C1orf94: variants seen among roughly 807,000 people sequenced by gnomAD.
The protein encoded by C1orf94 is chromosome 1 open reading frame 94.
In C1orf94, 45 loss-of-function variants were observed where a neutral mutation model predicts 53.6. The ratio of observed to expected loss-of-function variants is 0.84; its 90% CI spans 0.66 to 1.08. C1orf94 has a LOEUF of 1.08. Ranked by LOEUF, C1orf94 falls within the 50% of genes least tolerant of loss-of-function variation. The pLI, the probability that C1orf94 is intolerant of heterozygous loss-of-function variation, is 0.00. For missense variants in C1orf94, 762 were observed against 738.9 expected (o/e 1.03, Z -0.36); for synonymous variants, 304 against 296.1 (o/e 1.03, Z -0.27).
At chr1:34,189,389 G>A (rs1174787982) in intron 1 of C1orf94, among the ~76,000 whole-genome samples, 1 of 151,936 alleles carries the variant, frequency 6.6e-6, no homozygotes, top group Non-Finnish European at 1.5e-5. Context: ...TGTATGTGGG[G>A]AGAAGGTACC....
intron 1 of C1orf94, among the ~76,000 whole-genome samples, chr1:34,195,669 C>T (rs1642567120): frequency 6.6e-6 from 1 of 152,138 alleles, no homozygotes; most frequent in African/African-American, 2.4e-5. Flanking sequence ...TAGGAAGCCT[C>T]TAAGACTGTA....
rs1013506182 is a variant in C1orf94 at position 34,177,201 on chromosome 1, G to T, written c.-589G>T. 1.3e-5 allele frequency among the ~76,000 whole-genome samples: 2 copies of T among 152,340 alleles called. No individual in the cohort carries two copies. The highest frequency in any genetic ancestry group is 4.8e-5 in the African/African-American group (2 of 41,598). ...CAGCAGCGGGAGACCGGGAGCAGGA[G>T]GGGTAGGGCGAGAGAAAAGCAGGAC... On this transcript the variant is annotated 5_prime_UTR_variant, in exon 1 of 7. In the 5' UTR this introduces an upstream ATG that the reference lacks. Transcript: ENST00000488417.
In C1orf94 at chr1:34,197,287, G is replaced by A. The variant is rs776774315; in HGVS notation, c.383G>A (p.Ser128Asn). 1.9e-6 allele frequency: 3 copies of A among 1,552,852 alleles called. No homozygotes were observed. Among genetic ancestry groups the A allele is most frequent in the Non-Finnish European group, 2.6e-6 (3 of 1,147,500 alleles). Reference sequence around the variant, plus strand: ...TTGTTGGTGGAACAGGAGTTCCTAAGCCTCACCAAAGAGCACTCGATCCTG... The same window carrying A: ...TTGTTGGTGGAACAGGAGTTCCTAAACCTCACCAAAGAGCACTCGATCCTG... ...ISLLVEQEFL[S>N]LTKEHSILVE... The change falls in exon 2 of 7, where the codon AGC (serine) becomes AAC (asparagine). Residue 128 changes from serine to asparagine, a missense_variant. Physicochemically the swap from Ser to Asn is conservative, Grantham distance 46. Coordinates refer to ENST00000488417, the MANE Select transcript of C1orf94 (RefSeq NM_001134734.2). This position sits in a 1 kb window ranked among gnomAD's most constrained non-coding sequence, Gnocchi z 4.1.
intron 1 of C1orf94, among the ~76,000 whole-genome samples, chr1:34,187,057 T>A (rs1441520865): frequency 6.6e-6 from 1 of 152,162 alleles, no homozygotes; most frequent in African/African-American, 2.4e-5. Flanking sequence ...TATCAATAGC[T>A]CAAGACATTG....
At chr1:34,196,130 G>A (rs1046253064) in intron 1 of C1orf94, among the ~76,000 whole-genome samples, 2 of 152,156 alleles carry the variant, frequency 1.3e-5, no homozygotes, top group Non-Finnish European at 2.9e-5. Context: ...ATGGTTCTAG[G>A]CTGGTGGCTC....
chr1:34,173,287 T>A (rs1172797065), upstream of C1orf94, among the ~76,000 whole-genome samples: 52 of 152,194 alleles, frequency 3.4e-4, no homozygotes, highest in Non-Finnish European at 7.4e-5. Context: ...ATCCTTTCAA[T>A]TTTCCTCTAT....
chr1:34,168,421 G>C (rs953141301), intron 1 of C1orf94, among the ~76,000 whole-genome samples: 13 of 152,104 alleles, frequency 8.5e-5, no homozygotes, highest in Admixed American at 6.6e-5. Flanking sequence ...GATGGGGCTG[G>C]ATCCAGGTAA....
At chr1:34,200,644 T>G (rs1642688405) in intron 2 of C1orf94, 128 bp from the exon 3 acceptor site, 2 of 1,271,228 alleles carry the variant, frequency 1.6e-6, no homozygotes, top group African/African-American at 1.5e-5. Flanking sequence ...TGAAAGAGAG[T>G]CCCCCAAAGT....
rs149914933 is a variant in C1orf94 at position 34,181,009 on chromosome 1, G to T, written c.320+2900G>T. ...CTTGGTACAGTTTATCAGATGGGGA[G>T]CTTACCACTTCCCTTTGCTGCCCCT... On this transcript the variant is annotated intron_variant, in intron 1 of 6. Transcript: ENST00000488417. 5.9e-5 allele frequency among the ~76,000 whole-genome samples: 9 copies of T among 152,238 alleles called. No individual in the cohort carries two copies. The East Asian group carries it at 1.7e-3, about 29-fold the overall frequency.
chr1:34,200,935 G>C lies in C1orf94; in HGVS notation c.1173G>C (p.Glu391Asp), dbSNP rs1330840681. Residue 391 changes from glutamate (E) to aspartate (D), a missense_variant, in exon 3 of 7, where the codon GAG becomes GAC. Glu to Asp is a conservative substitution (Grantham distance 45). Transcript: ENST00000488417. Reference sequence around the variant, plus strand: ...CCAAGAAACCTACATGTCCAGCCGAGAAGAACTTGCTCTATGAGTTCCTTG... The same window carrying C: ...CCAAGAAACCTACATGTCCAGCCGACAAGAACTTGCTCTATGAGTTCCTTG... ...LPPKKPTCPA[E>D]KNLLYEFLGA... 3.5e-5 allele frequency: 57 copies of C among 1,614,048 alleles called. No individual in the cohort carries two copies. The Admixed American group carries it at 9.5e-4, about 27-fold the overall frequency.
chr1:34,203,115 T>C (rs909937971), intron 4 of C1orf94, among the ~76,000 whole-genome samples: 10 of 152,226 alleles, frequency 6.6e-5, no homozygotes, highest in African/African-American at 2.4e-4. Context: ...TCATTGTATA[T>C]CAGGGACTAG....
chr1:34,196,629 T>C (rs1434301597), intron 1 of C1orf94, among the ~76,000 whole-genome samples: 1 of 152,156 alleles, frequency 6.6e-6, no homozygotes, highest in Non-Finnish European at 1.5e-5. Context: ...ATGATACTCC[T>C]AGTAATGAGA....
At chr1:34,185,712 G>T (rs1252062033) in intron 1 of C1orf94, among the ~76,000 whole-genome samples, 1 of 152,188 alleles carries the variant, frequency 6.6e-6, no homozygotes, top group African/African-American at 2.4e-5. Context: ...TGCATTGGGT[G>T]CCTTTCCCTC....
Position 34,215,319 on chromosome 1 carries a change from G to T in C1orf94, c.1721+2913G>T, listed in dbSNP as rs148933847. Among the ~76,000 whole-genome samples, 749 of 152,332 alleles carry T rather than the reference G, an allele frequency of 4.9e-3. 3 individuals are homozygous for T. The highest frequency in any genetic ancestry group is 0.017 in the African/African-American group (711 of 41,574). On this transcript the variant is annotated intron_variant, in intron 6 of 6. Coordinates refer to ENST00000488417, the MANE Select transcript of C1orf94 (RefSeq NM_001134734.2). ...TGGAATTAAAATAAGAGGTAGCCAG[G>T]GCCAGACTAGACAGGGCCTGGTAGG...
intron 1 of C1orf94, among the ~76,000 whole-genome samples, chr1:34,183,277 A>G (rs1642338223): frequency 1.3e-5 from 2 of 152,270 alleles, no homozygotes; most frequent in Admixed American, 6.5e-5. Flanking sequence ...GTGGCAAGCC[A>G]CTTATTCAAG....
chr1:34,170,484 G>A (rs887032096), intron 1 of C1orf94, among the ~76,000 whole-genome samples: 1 of 152,142 alleles, frequency 6.6e-6, no homozygotes, highest in Non-Finnish European at 1.5e-5. Flanking sequence ...GACACAGTGT[G>A]TAAATCTGCA....
chr1:34,208,939 C>T lies in C1orf94; in HGVS notation c.1524+705C>T, dbSNP rs139479874. ...AGACTGAGGAGTCATATTCTTCCCA[C>T]GCAGGGTTGCCAGTTAAAATCCAGG... On this transcript the variant is annotated intron_variant, in intron 5 of 6. Transcript: ENST00000488417. 9.2e-5 allele frequency among the ~76,000 whole-genome samples: 14 copies of T among 152,254 alleles called. No homozygotes were observed. In the East Asian group the frequency reaches 1.9e-3, roughly 21 times the overall value.
At chr1:34,179,914 T>G (rs1642289878) in intron 1 of C1orf94, among the ~76,000 whole-genome samples, 1 of 152,148 alleles carries the variant, frequency 6.6e-6, no homozygotes. Context: ...GAGTTCTGAG[T>G]AGGGCTGAAT....
intron 4 of C1orf94, 92 bp downstream of exon 4, chr1:34,202,351 C>T (rs1642725348): frequency 7.3e-7 from 1 of 1,368,244 alleles, no homozygotes; most frequent in Non-Finnish European, 1.0e-6. Context: ...TTCACAGAGT[C>T]TTTAGACTCC....
Sources: allele counts gnomAD v4.1 joint callset (sites outside exome capture counted in the v4.1 genomes callset), GRCh38; gene constraint gnomAD v4.1.1; non-coding constraint Gnocchi (gnomAD v3.1); transcripts MANE v1.5; gene names NCBI Gene and HGNC (gene_info 2026-07-23, HGNC 2026-07-21).